NCOA1: variants seen among roughly 807,000 people sequenced by gnomAD.
NCOA1 encodes Hin-2 protein.
A neutral mutation model predicts 150.9 loss-of-function variants in NCOA1; 35 were observed. That is an observed-to-expected ratio of 0.23 (90% CI 0.18 to 0.31). The LOEUF (loss-of-function observed/expected upper bound fraction) is 0.31. NCOA1 is among the 10% of genes least tolerant of loss of function. The pLI, the probability that NCOA1 is intolerant of heterozygous loss-of-function variation, is 1.00. For synonymous variants in NCOA1, 590 were observed against 630.0 expected, an observed-to-expected ratio of 0.94 and a Z score of 0.95; for missense variants, 1,491 against 1,749.3, an observed-to-expected ratio of 0.85 and a Z score of 2.63.
chr2:24,639,948 A>G lies in NCOA1; in HGVS notation c.-174-4018A>G, dbSNP rs376075088. On this transcript the variant is annotated intron_variant, in intron 3 of 22. Transcript: ENST00000348332. ...TATATATATATATATATATATATATATATATATATATATATATATATATTC... is the reference window on the plus strand; with the variant it reads ...TATATATATATATATATATATATATGTATATATATATATATATATATATTC... Among the ~76,000 whole-genome samples, 1,083 of 112,082 alleles carry G rather than the reference A, an allele frequency of 9.7e-3. 90 individuals carry two copies. Among genetic ancestry groups the G allele is most frequent in the Admixed American group, 0.014 (168 of 12,184 alleles). The allele number at this position is 112,082 out of a possible 152,430, so 73.5% of individuals were successfully genotyped here.
intron 1 of NCOA1, among the ~76,000 whole-genome samples, chr2:24,534,669 G>C (rs976966739): frequency 1.3e-5 from 2 of 152,038 alleles, no homozygotes; most frequent in Non-Finnish European, 2.9e-5. Context: ...CATTGGTTTT[G>C]AAGAACATCT....
At chr2:24,724,127 T>G (rs1341639415) in intron 14 of NCOA1, among the ~76,000 whole-genome samples, 1 of 151,566 alleles carries the variant, frequency 6.6e-6, no homozygotes, top group Non-Finnish European at 1.5e-5. Flanking sequence ...GGGTTCAGTG[T>G]CCCTTTTAGC....
At chr2:24,515,779 C>T (rs1334792676) in intron 1 of NCOA1, among the ~76,000 whole-genome samples, 6 of 152,280 alleles carry the variant, frequency 3.9e-5, no homozygotes, top group Admixed American at 6.5e-5. Context: ...ACTACCTATA[C>T]GTAATACTAT....
intron 3 of NCOA1, among the ~76,000 whole-genome samples, chr2:24,592,187 T>C (rs768048740): frequency 6.6e-6 from 1 of 152,188 alleles, no homozygotes; most frequent in Admixed American, 6.5e-5. Context: ...TTGGTAAGAA[T>C]GACTTAGGCA....
intron 17 of NCOA1, among the ~76,000 whole-genome samples, chr2:24,735,653 T>A (rs1315555883): frequency 1.3e-5 from 2 of 152,098 alleles, no homozygotes; most frequent in Non-Finnish European, 2.9e-5. Context: ...TACACAGTAA[T>A]GAATAAATCC....
intron 3 of NCOA1, among the ~76,000 whole-genome samples, chr2:24,641,924 T>C (rs945028104): frequency 1.3e-5 from 2 of 152,216 alleles, no homozygotes; most frequent in South Asian, 4.2e-4. Context: ...TCTATCATTA[T>C]TTCCCCATAA....
At chr2:24,608,730 A>G (rs1286612628) in intron 3 of NCOA1, among the ~76,000 whole-genome samples, 1 of 96,876 alleles carries the variant, frequency 1.0e-5, no homozygotes, top group Non-Finnish European at 2.0e-5. Context: ...TTTCATTTAT[A>G]TCCTATATCC....
intron 1 of NCOA1, chr2:24,554,648 C>T (rs1018055107): frequency 1.3e-5 from 2 of 152,240 alleles, no homozygotes; most frequent in African/African-American, 4.8e-5. Context: ...CTCTTCCAGC[C>T]TCACACGACA....
chr2:24,625,843 G>T (rs56195507), intron 3 of NCOA1, among the ~76,000 whole-genome samples: 433 of 151,368 alleles, frequency 2.9e-3, no homozygotes, highest in Non-Finnish European at 4.8e-3. Flanking sequence ...ACTGTTACTG[G>T]TTTTTAATTT....
intron 1 of NCOA1, among the ~76,000 whole-genome samples, chr2:24,557,486 C>G (rs968959674): frequency 4.0e-5 from 6 of 151,514 alleles, no homozygotes; most frequent in African/African-American, 9.7e-5. Context: ...TTTGCTACCC[C>G]CTCCCCCTCC....
intron 4 of NCOA1, among the ~76,000 whole-genome samples, chr2:24,651,326 TAAAG>T: frequency 6.6e-6 from 1 of 152,056 alleles, no homozygotes; most frequent in Non-Finnish European, 1.5e-5. Context: ...GACAAATAGA[TAAAG>T]AAGTTGTAAT....
chr2:24,666,294 G>T (rs908204131), intron 6 of NCOA1, among the ~76,000 whole-genome samples: 12 of 152,034 alleles, frequency 7.9e-5, no homozygotes, highest in African/African-American at 2.9e-4. Flanking sequence ...GATTACAGGC[G>T]TGAGCCACCG....
At chr2:24,526,482 A>G (rs1003243966) in intron 1 of NCOA1, among the ~76,000 whole-genome samples, 13 of 151,956 alleles carry the variant, frequency 8.6e-5, no homozygotes, top group African/African-American at 2.7e-4. Flanking sequence ...GTTTATTAGT[A>G]AAGTGTCTTT....
chr2:24,681,710 CT>C (rs1291429104), intron 7 of NCOA1, among the ~76,000 whole-genome samples: 164 of 141,904 alleles, frequency 1.2e-3, no homozygotes, highest in Admixed American at 1.1e-3. Context: ...GTACCCTGGC[CT>C]TTTTTTTTTT....
chr2:24,642,089 G>T (rs1388788004), intron 3 of NCOA1, among the ~76,000 whole-genome samples: 1 of 150,500 alleles, frequency 6.6e-6, no homozygotes, highest in African/African-American at 2.5e-5. Flanking sequence ...TATAGTAGGG[G>T]TATGTGTGGT....
rs1406504785 is a variant in NCOA1, at chr2:24,683,021, G to C, written c.425G>C (p.Ser142Thr). 1 of 1,608,384 alleles carries C rather than the reference G, an allele frequency of 6.2e-7. No homozygotes were observed. Among genetic ancestry groups the C allele is most frequent in the Admixed American group, 1.7e-5 (1 of 59,074 alleles). Reference sequence around the variant, plus strand: ...GTATTTGTGTCAGAGAATGTAACCAGCTACTTAGGTTACAATCAGGAGGAA... The same window carrying C: ...GTATTTGTGTCAGAGAATGTAACCACCTACTTAGGTTACAATCAGGAGGAA... The part of the protein sequence containing the change: ...RIVFVSENVT[S>T]YLGYNQEELM... Residue 142 changes from serine (S) to threonine (T), a missense_variant, in exon 8 of 23, where the codon AGC becomes ACC. Ser to Thr is a moderately conservative substitution (Grantham distance 58). Around this residue, in one of 8 missense-constraint regions of NCOA1, gnomAD observed 80 missense variants for 163.0 expected, o/e 0.49. Transcript: ENST00000348332.
intron 8 of NCOA1, among the ~76,000 whole-genome samples, chr2:24,689,325 AATG>A (rs1205194530): frequency 2.6e-5 from 4 of 152,102 alleles, no homozygotes; most frequent in African/African-American, 4.8e-5. Flanking sequence ...TGGCCATTTT[AATG>A]ATATTTATTC....
chr2:24,610,271 T>G (rs1056425528), intron 3 of NCOA1, among the ~76,000 whole-genome samples: 1 of 151,610 alleles, frequency 6.6e-6, no homozygotes, highest in Admixed American at 6.6e-5. Flanking sequence ...CTACAGGCAC[T>G]TGCCACCACG....
At chr2:24,592,243 C>T (rs989968567) in intron 3 of NCOA1, among the ~76,000 whole-genome samples, 8 of 152,192 alleles carry the variant, frequency 5.3e-5, no homozygotes, top group African/African-American at 1.4e-4. Context: ...GATTCATATA[C>T]TTATTAAGCA....
Sources: gnomAD v4.1 joint callset for allele counts (sites outside exome capture counted in the v4.1 genomes callset) on GRCh38, gnomAD v4.1.1 for gene constraint, gnomAD v4.1.1 regional missense constraint, MANE v1.5 for transcripts, NCBI Gene and HGNC (gene_info 2026-07-23, HGNC 2026-07-21) for gene names.